CORO1C: variants seen among roughly 807,000 people sequenced by gnomAD.
CORO1C encodes the protein coronin 1C.
CORO1C carries 14 observed loss-of-function variants against 51.2 expected under a neutral mutation model. The observed-to-expected ratio is 0.27, with a 90% CI of 0.18 to 0.43. The LOEUF (loss-of-function observed/expected upper bound fraction) is 0.43. CORO1C is among the 20% of genes least tolerant of loss of function. The probability of loss-of-function intolerance (pLI) is 1.00; values close to 1 mark genes in which losing one functional copy is unlikely to be tolerated. For missense variants in CORO1C, 417 were observed against 607.8 expected (o/e 0.69, Z 3.30); for synonymous variants, 181 against 210.5 (o/e 0.86, Z 1.21).
chr12:108,671,826 G>A (rs1338242944), intron 3 of CORO1C, among the ~76,000 whole-genome samples: 3 of 152,124 alleles, frequency 2.0e-5, no homozygotes, highest in South Asian at 4.1e-4. Context: ...ACAGTGGCAC[G>A]ATCACGGCTC....
Position 108,662,274 on chromosome 12 carries a change from T to C in CORO1C, c.319-116A>G, listed in dbSNP as rs1390835163. 1.2e-5 allele frequency: 10 copies of C among 856,776 alleles called. No individual in the cohort carries two copies. In the South Asian group the frequency reaches 1.4e-4, roughly 12 times the overall value. The allele number at this position is 856,776 out of a possible 1,614,324, so 53.1% of individuals were successfully genotyped here. A position where few individuals can be genotyped will look rare whatever the true frequency, so the allele number is the denominator to read the frequency against. On this transcript the variant is annotated intron_variant, in intron 3 of 10. Transcript: ENST00000261401. ...TATGTAAACAGAACATAGAGTGATA[T>C]CTGGATGAAAGGCAGAATGTTGTGA...
chr12:108,710,853 C>T (rs151223348), intron 1 of CORO1C, among the ~76,000 whole-genome samples: 265 of 152,156 alleles, frequency 1.7e-3, no homozygotes, highest in Admixed American at 2.9e-3. Flanking sequence ...TGAGCCACCG[C>T]GCCTGGCCTA....
intron 8 of CORO1C, chr12:108,652,050 C>G: frequency 3.6e-5 from 7 of 192,762 alleles, no homozygotes; most frequent in Non-Finnish European, 1.8e-5. Flanking sequence ...AGATTTTTTT[C>G]TTTTCTTTTT....
At chr12:108,678,511 T>C (rs1000859275) in intron 2 of CORO1C, 117 bp from the exon 3 acceptor site, 3 of 816,750 alleles carry the variant, frequency 3.7e-6, no homozygotes, top group Admixed American at 2.9e-5. Context: ...TTTCTAGATA[T>C]GACATCGTAT....
At chr12:108,721,670 C>T (rs549603438) in intron 1 of CORO1C, among the ~76,000 whole-genome samples, 1 of 151,826 alleles carries the variant, frequency 6.6e-6, no homozygotes, top group African/African-American at 2.4e-5. Context: ...TAGTTCAAAC[C>T]CTTCACAGAG....
chr12:108,688,297 G>C (rs1446523796), intron 2 of CORO1C, among the ~76,000 whole-genome samples: 3 of 152,112 alleles, frequency 2.0e-5, no homozygotes, highest in Admixed American at 1.3e-4. Context: ...ATTGAGGGCA[G>C]TACTGAGTAC....
At chr12:108,656,298 GC>G (rs2032996905) in intron 6 of CORO1C, among the ~76,000 whole-genome samples, 1 of 44,408 alleles carries the variant, frequency 2.3e-5, no homozygotes, top group Admixed American at 3.1e-4. Context: ...TGGGGGCTCA[GC>G]CCCCGCCCGG....
Position 108,657,296 on chromosome 12 carries a change from G to A in CORO1C, c.750+8C>T. Reference sequence around the variant, plus strand: ...TGAAAGCAAGTGGAAAGCCTGGGGAGGGCGTACCGGATTCCAGAGAGCCAG... The same window carrying A: ...TGAAAGCAAGTGGAAAGCCTGGGGAAGGCGTACCGGATTCCAGAGAGCCAG... On this transcript the variant is annotated splice_region_variant and intron_variant, in intron 6 of 10. Coordinates refer to ENST00000261401, the MANE Select transcript of CORO1C (RefSeq NM_014325.4). The A allele has an allele frequency of 6.2e-7, 1 of 1,613,072 alleles. No individual in the cohort carries two copies. Among genetic ancestry groups the A allele is most frequent in the Non-Finnish European group, 8.5e-7 (1 of 1,179,388 alleles).
chr12:108,714,085 G>C (rs1174841294), intron 1 of CORO1C, among the ~76,000 whole-genome samples: 2 of 152,118 alleles, frequency 1.3e-5, no homozygotes, highest in African/African-American at 4.8e-5. Context: ...TATGTGCTCA[G>C]TTGTCCAAGA....
At position 108,647,027 on chromosome 12, in the gene CORO1C, T is replaced by G. The variant is rs1203211996; in HGVS notation, c.*376A>C. 1 of 138,790 alleles carries G rather than the reference T, an allele frequency of 7.2e-6. No homozygotes were observed. Among genetic ancestry groups the G allele is most frequent in the African/African-American group, 2.8e-5 (1 of 35,180 alleles). The allele number at this position is 138,790 out of a possible 1,614,324, so 8.6% of individuals were successfully genotyped here. On this transcript the variant is annotated 3_prime_UTR_variant, in exon 11 of 11. Transcript: ENST00000261401. ...AGAAATATAAAAAGCAATGTGGCAT[T>G]GGTCCCTATTCATTAAAAAAAAAAG...
chr12:108,695,794 A>T (rs911567969), intron 2 of CORO1C, among the ~76,000 whole-genome samples: 1 of 149,640 alleles, frequency 6.7e-6, no homozygotes, highest in Non-Finnish European at 1.5e-5. Flanking sequence ...ATTATAGGCA[A>T]TGAGCTCTTA....
At chr12:108,698,260 T>C (rs11114026) in intron 2 of CORO1C, among the ~76,000 whole-genome samples, 14 of 152,174 alleles carry the variant, frequency 9.2e-5, no homozygotes, top group Non-Finnish European at 1.5e-4. Context: ...AAGTTATACA[T>C]TGAATTAGGG....
intron 3 of CORO1C, among the ~76,000 whole-genome samples, chr12:108,669,172 CA>C (rs2033616035): frequency 6.6e-6 from 1 of 152,208 alleles, no homozygotes; most frequent in African/African-American, 2.4e-5. Flanking sequence ...CCTAAAACTG[CA>C]AAGTAGCTGT....
rs978180945 is a variant in CORO1C, at chr12:108,678,848, G to A, written c.196-454C>T. ...CACTATTAAAATGTAAAGGCCGGGC[G>A]CGGTGGCTCACGCCTATAATCCCAG... On this transcript the variant is annotated intron_variant, in intron 2 of 10. Coordinates refer to ENST00000261401, the MANE Select transcript of CORO1C (RefSeq NM_014325.4). 9.2e-5 allele frequency among the ~76,000 whole-genome samples: 14 copies of A among 151,784 alleles called. No individual in the cohort carries two copies. The East Asian group carries it at 9.6e-4, about 10-fold the overall frequency.
chr12:108,682,523 T>C (rs2034158294), intron 2 of CORO1C, among the ~76,000 whole-genome samples: 1 of 152,160 alleles, frequency 6.6e-6, no homozygotes, highest in Non-Finnish European at 1.5e-5. Flanking sequence ...CATCTAACCA[T>C]ATAATTTCAA....
At chr12:108,692,617 C>T (rs777989188) in intron 2 of CORO1C, among the ~76,000 whole-genome samples, 2 of 152,176 alleles carry the variant, frequency 1.3e-5, no homozygotes, top group African/African-American at 2.4e-5. Context: ...TGAACTGCTG[C>T]GATTTCATCA....
At chr12:108,683,874 G>T (rs772110134) in intron 2 of CORO1C, among the ~76,000 whole-genome samples, 1 of 151,994 alleles carries the variant, frequency 6.6e-6, no homozygotes, top group Non-Finnish European at 1.5e-5. Context: ...ACAGAAAAAA[G>T]AAAAGTGCCA....
chr12:108,672,892 C>T (rs149615566), intron 3 of CORO1C, among the ~76,000 whole-genome samples: 122 of 152,220 alleles, frequency 8.0e-4, no homozygotes, highest in African/African-American at 2.8e-3. Context: ...TGAACTTCAT[C>T]GATAAACGCT....
At chr12:108,669,987 A>G (rs2033651048) in intron 3 of CORO1C, among the ~76,000 whole-genome samples, 1 of 152,220 alleles carries the variant, frequency 6.6e-6, no homozygotes, top group African/African-American at 2.4e-5. Flanking sequence ...TAATTTACAA[A>G]ATGTGCACTC....
Sources: allele counts gnomAD v4.1 joint callset (sites outside exome capture counted in the v4.1 genomes callset), GRCh38; gene constraint gnomAD v4.1.1; transcripts MANE v1.5; gene names NCBI Gene and HGNC (gene_info 2026-07-23, HGNC 2026-07-21).